DIO2: variants seen among roughly 807,000 people sequenced by gnomAD.
DIO2 encodes the protein iodothyronine deiodinase 2, also known as type II iodothyronine deiodinase.
DIO2 carries 19 observed loss-of-function variants against 21.4 expected under a neutral mutation model. The observed-to-expected ratio is 0.89, with a 90% CI of 0.62 to 1.30. DIO2 has a LOEUF of 1.30. Among genes scored for constraint, DIO2 ranks in the 50% most tolerant of loss-of-function variants. The pLI, the probability that DIO2 is intolerant of heterozygous loss-of-function variation, is 0.00. For missense variants in DIO2, 302 were observed against 338.1 expected, an observed-to-expected ratio of 0.89 and a Z score of 0.84; for synonymous variants, 122 against 132.9, an observed-to-expected ratio of 0.92 and a Z score of 0.57.
chr14:80,203,205 G>A lies in DIO2; in HGVS notation c.306C>T (p.Thr102=), dbSNP rs758224695. 6 of 1,609,490 alleles carry A rather than the reference G, an allele frequency of 3.7e-6. No individual in the cohort carries two copies. The South Asian group carries it at 6.7e-5, about 18-fold the overall frequency. Residue 102 remains threonine, a synonymous_variant, in exon 2 of 2, where the codon ACC becomes ACT. Coordinates refer to ENST00000438257, the MANE Select transcript of DIO2 (RefSeq NM_013989.5). ...TEGGDNSGNG[T]QEKIAEGATC... is the part of the protein sequence containing the mutation. ...TGGCTCCCTCAGCTATCTTCTCCTG[G>A]GTACCATTGCCACTGTTGTCACCTC...
At chr14:80,218,943 A>C (rs1888409521) in intron 2 of DIO2, among the ~76,000 whole-genome samples, 1 of 152,168 alleles carries the variant, frequency 6.6e-6, no homozygotes, top group Non-Finnish European at 1.5e-5. Flanking sequence ...GGGCCACTGC[A>C]CTCCAGCCCG....
intron 2 of DIO2, among the ~76,000 whole-genome samples, chr14:80,218,571 T>C (rs1336671856): frequency 6.6e-6 from 1 of 152,136 alleles, no homozygotes; most frequent in Non-Finnish European, 1.5e-5. Flanking sequence ...GGAAAACAAA[T>C]GCTCTCTAAG....
upstream of DIO2, chr14:80,215,966 A>T (rs1347415882): frequency 6.6e-6 from 1 of 152,292 alleles, no homozygotes; most frequent in Non-Finnish European, 1.5e-5. Context: ...GTAAACTCTG[A>T]CACACCTTGA....
At chr14:80,228,940 C>T (rs554444702) in intron 2 of DIO2, among the ~76,000 whole-genome samples, 1 of 152,184 alleles carries the variant, frequency 6.6e-6, no homozygotes, top group East Asian at 1.9e-4. Context: ...GCACAGCTAC[C>T]CTGGTAAAAG....
chr14:80,230,786 T>C (rs367669584), intron 2 of DIO2: 2 of 152,226 alleles, frequency 1.3e-5, no homozygotes, highest in Non-Finnish European at 2.9e-5. Context: ...AAGAACTTCA[T>C]CCTTAATATT....
chr14:80,227,726 C>A (rs1888604577), intron 2 of DIO2, among the ~76,000 whole-genome samples: 3 of 152,194 alleles, frequency 2.0e-5, no homozygotes, highest in Admixed American at 2.0e-4. Flanking sequence ...GAGCAGCTTG[C>A]ACAGCAGCCT....
At chr14:80,226,065 A>G (rs1448710370) in intron 2 of DIO2, among the ~76,000 whole-genome samples, 1 of 152,134 alleles carries the variant, frequency 6.6e-6, no homozygotes, top group Non-Finnish European at 1.5e-5. Flanking sequence ...GGTGATGGTG[A>G]GTGGTGCCAC....
At chr14:80,205,991 A>T (rs1887939464) in intron 1 of DIO2, among the ~76,000 whole-genome samples, 1 of 152,140 alleles carries the variant, frequency 6.6e-6, no homozygotes, top group South Asian at 2.1e-4. Flanking sequence ...GGGCCCTCTC[A>T]TAGAGTACTA....
rs768743801 is a variant in DIO2, at chr14:80,202,870, C to A, written c.641G>T (p.Arg214Leu). 3.1e-6 allele frequency: 5 copies of A among 1,613,928 alleles called. No individual in the cohort carries two copies. The East Asian group carries it at 1.1e-4, about 36-fold the overall frequency. Residue 214 changes from arginine (R) to leucine (L), a missense_variant, in exon 2 of 2, where the codon CGC becomes CTC. Transcript: ENST00000438257. ...AGCTATGTTGGCGTTATTGTCCATG[C>A]GGTCAGCCACAACTCGGCACTGGGG... ...LPPQCRVVADRMDNNANIAYG... is the reference protein window; with the variant it reads ...LPPQCRVVADLMDNNANIAYG...
chr14:80,220,570 G>A (rs1006974752), intron 2 of DIO2, among the ~76,000 whole-genome samples: 5 of 152,030 alleles, frequency 3.3e-5, no homozygotes, highest in Non-Finnish European at 7.4e-5. Context: ...CCAAATTAGT[G>A]ACTAGATAAT....
chr14:80,204,878 G>T, intron 1 of DIO2, among the ~76,000 whole-genome samples: 1 of 152,010 alleles, frequency 6.6e-6, no homozygotes, highest in East Asian at 1.9e-4. Context: ...ATCCTAGCAG[G>T]GAAGGTTTGA....
intron 1 of DIO2, among the ~76,000 whole-genome samples, chr14:80,207,672 T>G (rs191213207): frequency 6.8e-4 from 104 of 152,294 alleles, no homozygotes; most frequent in Admixed American, 2.9e-3. Flanking sequence ...AAGAAGAGAT[T>G]TAACCATTTA....
upstream of DIO2, among the ~76,000 whole-genome samples, chr14:80,214,952 C>A (rs535818341): frequency 4.6e-5 from 7 of 152,098 alleles, no homozygotes; most frequent in East Asian, 1.9e-4. Flanking sequence ...CTATGAGAAC[C>A]AAAACCCTTG....
At position 80,199,631 on chromosome 14, in the gene DIO2, A is replaced by T. The variant is rs1887635615; in HGVS notation, c.*3058T>A. The T allele has an allele frequency of 6.6e-6, 1 of 152,640 alleles. No homozygotes were observed. The highest frequency in any genetic ancestry group is 2.4e-5 in the African/African-American group (1 of 41,462). 9.5% of individuals were successfully genotyped at this position (152,640 alleles called of 1,614,324 possible). On this transcript the variant is annotated 3_prime_UTR_variant, in exon 2 of 2. Transcript: ENST00000438257. ...TTTTCACTAAGCAATAAATAAAGTC[A>T]GTTTTTGATAGGTCCAAGACATAAG... is the stretch of plus-strand genomic sequence containing the variant.
chr14:80,230,208 G>A (rs1346605701), intron 2 of DIO2, among the ~76,000 whole-genome samples: 5 of 152,134 alleles, frequency 3.3e-5, no homozygotes, highest in Admixed American at 1.3e-4. Flanking sequence ...TACAAACTCA[G>A]CGTCCCCAGC....
chr14:80,210,005 G>C (rs993943161), intron 1 of DIO2, among the ~76,000 whole-genome samples: 4 of 152,068 alleles, frequency 2.6e-5, no homozygotes, highest in Non-Finnish European at 5.9e-5. Context: ...CGAGTTCCCC[G>C]TCTCTGGTTC....
intron 2 of DIO2, among the ~76,000 whole-genome samples, chr14:80,229,144 G>C (rs1382942910): frequency 2.0e-5 from 3 of 152,086 alleles, no homozygotes; most frequent in Admixed American, 6.6e-5. Context: ...TTAGCCTTTT[G>C]TCCATTCAAC....
Position 80,198,492 on chromosome 14 carries a change from T to C in DIO2, c.*4197A>G, listed in dbSNP as rs912745151. On this transcript the variant is annotated 3_prime_UTR_variant, in exon 2 of 2. Transcript: ENST00000438257. ...TCAGCCTTCCTTCAGTTGCGAGAAG[T>C]TTGTTTTCAAATCTTCCCAGATTGG... 6.6e-6 allele frequency: 1 copy of C among 152,502 alleles called. No homozygotes were observed. Among genetic ancestry groups the C allele is most frequent in the African/African-American group, 2.4e-5 (1 of 41,426 alleles). 9.4% of individuals were successfully genotyped at this position (152,502 alleles called of 1,614,324 possible).
At chr14:80,221,927 C>T (rs1013901732) in intron 2 of DIO2, among the ~76,000 whole-genome samples, 1 of 152,130 alleles carries the variant, frequency 6.6e-6, no homozygotes, top group African/African-American at 2.4e-5. Flanking sequence ...CAACTATTTA[C>T]CATTCCAGAA....
Sources: allele counts gnomAD v4.1 joint callset (sites outside exome capture counted in the v4.1 genomes callset), GRCh38; gene constraint gnomAD v4.1.1; transcripts MANE v1.5; gene names NCBI Gene and HGNC (gene_info 2026-07-23, HGNC 2026-07-21).